SBF2: variants seen among roughly 807,000 people sequenced by gnomAD.
The protein encoded by SBF2 is myotubularin-related protein 13.
Under a neutral mutation model 225.2 loss-of-function variants are expected in SBF2, and 112 were observed. That is an observed-to-expected ratio of 0.50 (90% confidence interval 0.43 to 0.58). The LOEUF (loss-of-function observed/expected upper bound fraction) is 0.58, where lower values mean the gene tolerates loss of function less well. Among genes scored for constraint, SBF2 ranks in the 20% least tolerant of loss-of-function variants. The pLI, the probability that SBF2 is intolerant of heterozygous loss-of-function variation, is 0.00. For synonymous variants in SBF2, 763 were observed against 773.3 expected (o/e 0.99, Z 0.22); for missense variants, 1,996 against 2,206.2 (o/e 0.90, Z 1.91).
At chr11:10,159,819 G>C (rs972730448) in intron 2 of SBF2, among the ~76,000 whole-genome samples, 1 of 152,044 alleles carries the variant, frequency 6.6e-6, no homozygotes, top group Non-Finnish European at 1.5e-5. Context: ...GAACCCGGGA[G>C]GCAGAGCTTA....
intron 2 of SBF2, among the ~76,000 whole-genome samples, chr11:10,118,937 C>A (rs180729963): frequency 6.3e-4 from 89 of 141,800 alleles, no homozygotes; most frequent in East Asian, 1.8e-3. Context: ...AACAAACAAA[C>A]AAAAAAAAAA....
intron 25 of SBF2, among the ~76,000 whole-genome samples, chr11:9,841,712 T>C (rs1243125064): frequency 6.6e-6 from 1 of 152,146 alleles, no homozygotes; most frequent in Non-Finnish European, 1.5e-5. Flanking sequence ...TTTTGTATTT[T>C]CAGTAGCAAC....
chr11:9,875,627 G>A (rs1859163434), intron 17 of SBF2, among the ~76,000 whole-genome samples: 1 of 152,158 alleles, frequency 6.6e-6, no homozygotes, highest in Non-Finnish European at 1.5e-5. Context: ...GGCCAGTGAA[G>A]TGGAAAAAAG....
rs958907801 is a variant in SBF2 at position 10,168,947 on chromosome 11, AAAGT to A, written c.141+24951_141+24954del. Among the ~76,000 whole-genome samples, 6 of 152,362 alleles carry A rather than the reference AAAGT, an allele frequency of 3.9e-5. No individual in the cohort carries two copies. The Middle Eastern group carries it at 0.01, about 259-fold the overall frequency. On this transcript the variant is annotated intron_variant, in intron 2 of 39. Coordinates refer to ENST00000256190, the MANE Select transcript of SBF2 (RefSeq NM_030962.4). ...TTTAAAGCAGTTTAATACTCTTTCC[AAAGT>A]AAGTACATAATATTGTACTGTTTTT...
At chr11:9,966,221 T>C (rs1209143157) in intron 14 of SBF2, among the ~76,000 whole-genome samples, 1 of 152,140 alleles carries the variant, frequency 6.6e-6, no homozygotes, top group East Asian at 1.9e-4. Flanking sequence ...CCCAAGTAGC[T>C]GGGACTACAG....
At chr11:10,076,219 G>A (rs1207870631) in intron 2 of SBF2, among the ~76,000 whole-genome samples, 2 of 152,192 alleles carry the variant, frequency 1.3e-5, no homozygotes, top group Non-Finnish European at 2.9e-5. Context: ...CCTACTGAGA[G>A]CTAGATCTTA....
At chr11:9,796,985 A>C (rs1263882712) in intron 32 of SBF2, among the ~76,000 whole-genome samples, 2 of 152,190 alleles carry the variant, frequency 1.3e-5, no homozygotes, top group Non-Finnish European at 2.9e-5. Context: ...TCTGCCTCGC[A>C]ATCTCACCTC....
chr11:9,968,126 A>C (rs988030121), intron 14 of SBF2, among the ~76,000 whole-genome samples: 3 of 151,986 alleles, frequency 2.0e-5, no homozygotes, highest in African/African-American at 4.8e-5. Flanking sequence ...GCTGTTATTA[A>C]AAAAAGAAAA....
At chr11:9,789,053 C>T in intron 35 of SBF2, 56 bp downstream of exon 35, 1 of 1,461,144 alleles carries the variant, frequency 6.8e-7, no homozygotes, top group Non-Finnish European at 9.6e-7. Context: ...GGTTCCTTTG[C>T]CCTCATGCCT....
intron 1 of SBF2, among the ~76,000 whole-genome samples, chr11:10,226,332 A>C (rs933775216): frequency 6.6e-6 from 1 of 151,996 alleles, no homozygotes; most frequent in African/African-American, 2.4e-5. Flanking sequence ...TTTTTTCTTA[A>C]TTTTATTATT....
In SBF2 at chr11:10,207,831, C is replaced by A. The variant is rs186710140; in HGVS notation, c.56-13844G>T. The stretch of plus-strand genomic sequence containing the variant: ...GGAAAACAAGCTCAACCCTCTCTCA[C>A]AAGCACTTATTTAACTACTTAAAGA... On this transcript the variant is annotated intron_variant, in intron 1 of 39. Coordinates refer to ENST00000256190, the MANE Select transcript of SBF2 (RefSeq NM_030962.4). Among the ~76,000 whole-genome samples the A allele has an allele frequency of 5.9e-5, 9 of 152,214 alleles. No homozygotes were observed. The East Asian group carries it at 1.7e-3, about 29-fold the overall frequency.
At chr11:9,970,366 C>T (rs373367513) in intron 13 of SBF2, among the ~76,000 whole-genome samples, 34 of 152,124 alleles carry the variant, frequency 2.2e-4, no homozygotes, top group Non-Finnish European at 4.1e-4. Context: ...CCACCACGCC[C>T]GGCTAATTTT....
chr11:10,166,780 T>A (rs532431623), intron 2 of SBF2, among the ~76,000 whole-genome samples: 1 of 152,078 alleles, frequency 6.6e-6, no homozygotes, highest in South Asian at 2.1e-4. Flanking sequence ...TTGGCCAACA[T>A]CACAAAACCC....
In SBF2 at chr11:10,022,228, T is replaced by A. The variant is rs1948885803; in HGVS notation, c.619+6224A>T. On this transcript the variant is annotated intron_variant, in intron 6 of 39. Coordinates refer to ENST00000256190, the MANE Select transcript of SBF2 (RefSeq NM_030962.4). ...AAGACATGTAAGTTTTAGGAAAAAC[T>A]TCTTATAAACAAACAGGGGAAAAAA... is the stretch of plus-strand genomic sequence containing the variant. 3.3e-5 allele frequency among the ~76,000 whole-genome samples: 5 copies of A among 152,126 alleles called. No homozygotes were observed. In the South Asian group the frequency reaches 1.0e-3, roughly 32 times the overall value.
At chr11:9,937,258 G>A (rs752750676) in intron 16 of SBF2, among the ~76,000 whole-genome samples, 12 of 152,016 alleles carry the variant, frequency 7.9e-5, no homozygotes, top group Non-Finnish European at 1.6e-4. Context: ...GGGGTCAAAG[G>A]GAAGATCCTA....
At chr11:9,871,971 A>G (rs1356239003) in intron 17 of SBF2, among the ~76,000 whole-genome samples, 4 of 152,204 alleles carry the variant, frequency 2.6e-5, no homozygotes, top group African/African-American at 9.6e-5. Context: ...ATTACTGGGT[A>G]TACGCCCAAA....
At chr11:9,809,926 A>G (rs1365785224) in intron 30 of SBF2, among the ~76,000 whole-genome samples, 8 of 152,290 alleles carry the variant, frequency 5.3e-5, no homozygotes, top group African/African-American at 1.9e-4. Flanking sequence ...AAAAGCGTTG[A>G]GTTGTGCACC....
intron 2 of SBF2, among the ~76,000 whole-genome samples, chr11:10,161,728 G>A (rs1338767415): frequency 6.6e-6 from 1 of 150,834 alleles, no homozygotes; most frequent in Non-Finnish European, 1.5e-5. Flanking sequence ...GCTCACGCCA[G>A]TAATCCCAAC....
Position 10,024,069 on chromosome 11 carries a change from C to T in SBF2, c.619+4383G>A, listed in dbSNP as rs563789119. On this transcript the variant is annotated intron_variant, in intron 6 of 39. Transcript: ENST00000256190. ...ACATTTTTTAGAACTTTAGAGAAAC[C>T]GAATCATGCCGTATATAATTTTTCT... 7.9e-5 allele frequency among the ~76,000 whole-genome samples: 12 copies of T among 152,072 alleles called. No homozygotes were observed. In the East Asian group the frequency reaches 1.7e-3, roughly 22 times the overall value.
Sources: gnomAD v4.1 joint callset for allele counts (sites outside exome capture counted in the v4.1 genomes callset) on GRCh38, gnomAD v4.1.1 for gene constraint, MANE v1.5 for transcripts, NCBI Gene and HGNC (gene_info 2026-07-23, HGNC 2026-07-21) for gene names.